The following HIP1 variants were observed in gnomAD, a reference collection of about 807,000 sequenced individuals.
HIP1 encodes huntingtin-interacting protein 1.
HIP1 carries 65 observed loss-of-function variants against 147.6 expected under a neutral mutation model. The observed-to-expected ratio is 0.44, with a 90% confidence interval of 0.36 to 0.54. The LOEUF (loss-of-function observed/expected upper bound fraction) is 0.54, where lower values mean the gene tolerates loss of function less well. HIP1 is among the 20% of genes least tolerant of loss of function. The pLI is 0.00. For missense variants in HIP1, 1,061 were observed against 1,299.6 expected (o/e 0.82, Z 2.82); for synonymous variants, 479 against 504.0 (o/e 0.95, Z 0.67).
intron 9 of HIP1, chr7:75,563,528 T>G: frequency 2.0e-6 from 1 of 500,326 alleles, no homozygotes. Flanking sequence ...ATTTCTTCAT[T>G]GCTGTAGAAC....
chr7:75,573,404 T>C (rs1795720425), intron 8 of HIP1, among the ~76,000 whole-genome samples: 1 of 152,060 alleles, frequency 6.6e-6, no homozygotes, highest in African/African-American at 2.4e-5. Context: ...TCAATAAAGC[T>C]CCTCTTCATC....
chr7:75,669,073 CA>C (rs200505763), intron 1 of HIP1, among the ~76,000 whole-genome samples: 1 of 146,120 alleles, frequency 6.8e-6, no homozygotes, highest in Non-Finnish European at 1.5e-5. Context: ...AACAAACAAA[CA>C]AAAAAAACAG....
intron 1 of HIP1, among the ~76,000 whole-genome samples, chr7:75,637,977 ACCCCCCCC>A (rs548189788): frequency 1.8e-4 from 7 of 38,636 alleles, no homozygotes; most frequent in African/African-American, 6.4e-4. Context: ...GCAGACCCAG[ACCCCCCCC>A]CCCCCCCCAC....
At chr7:75,553,187 C>T (rs1208398310) in intron 22 of HIP1, among the ~76,000 whole-genome samples, 2 of 152,038 alleles carry the variant, frequency 1.3e-5, no homozygotes, top group Admixed American at 6.6e-5. Flanking sequence ...ATCTGCCCAC[C>T]TCAGCCTCCC....
At chr7:75,663,635 G>A (rs1401466334) in intron 1 of HIP1, among the ~76,000 whole-genome samples, 1 of 151,856 alleles carries the variant, frequency 6.6e-6, no homozygotes, top group African/African-American at 2.4e-5. Context: ...TCAGTGAAGA[G>A]GGTACTGCCA....
At position 75,559,703 on chromosome 7, in the gene HIP1, G is replaced by GCCCCCCCCCCCC. The variant is rs1554494131; in HGVS notation, c.1375+28_1375+29insGGGGGGGGGGGG. ...TCTGCTGCCCGCGCCTGCCCCCGGGGCCCGCCCCCGCCCCCACCCACCGCT... is the reference window on the plus strand; with the variant it reads ...TCTGCTGCCCGCGCCTGCCCCCGGGGCCCCCCCCCCCCCCCGCCCCCGCCCCCACCCACCGCT... On this transcript the variant is annotated intron_variant, in intron 14 of 30. Transcript: ENST00000336926. 5.0e-6 allele frequency: 6 copies of GCCCCCCCCCCCC among 1,195,144 alleles called. No homozygotes were observed. In the East Asian group the frequency reaches 7.8e-5, roughly 16 times the overall value. The allele number at this position is 1,195,144 out of a possible 1,614,324, so 74.0% of individuals were successfully genotyped here. A position where few individuals can be genotyped will look rare whatever the true frequency, so the allele number is the denominator to read the frequency against.
chr7:75,542,680 CAG>C (rs764515474), intron 28 of HIP1, among the ~76,000 whole-genome samples, 169 bp downstream of exon 28: 26 of 152,062 alleles, frequency 1.7e-4, no homozygotes, highest in Non-Finnish European at 3.5e-4. Context: ...GCCTGGGCGA[CAG>C]AGTGAGACCC....
At chr7:75,599,625 C>T (rs1179402919) in intron 1 of HIP1, among the ~76,000 whole-genome samples, 2 of 152,108 alleles carry the variant, frequency 1.3e-5, no homozygotes, top group African/African-American at 2.4e-5. Context: ...GATCAGGGAG[C>T]GACCGTGGCC....
intron 1 of HIP1, among the ~76,000 whole-genome samples, chr7:75,715,458 CAG>C (rs1164089551): frequency 0.012 from 1,248 of 106,262 alleles, 17 homozygotes; most frequent in African/African-American, 0.033. Context: ...GAGACACACA[CAG>C]AGAGAGAGAG....
intron 30 of HIP1, 98 bp from the exon 31 acceptor site, chr7:75,538,322 A>G (rs1246074952): frequency 1.1e-6 from 1 of 887,648 alleles, no homozygotes; most frequent in African/African-American, 1.6e-5. Context: ...AAAATACATT[A>G]TAATTATAAC....
At chr7:75,590,509 A>T (rs1796466118) in intron 4 of HIP1, among the ~76,000 whole-genome samples, 1 of 152,184 alleles carries the variant, frequency 6.6e-6, no homozygotes, top group South Asian at 2.1e-4. Context: ...GACAAATAGA[A>T]AACATAGAAT....
intron 1 of HIP1, among the ~76,000 whole-genome samples, chr7:75,612,909 G>T (rs1184196215): frequency 6.6e-6 from 1 of 152,072 alleles, no homozygotes; most frequent in African/African-American, 2.4e-5. Flanking sequence ...TTCAAGACAA[G>T]CCTGGCCAAC....
chr7:75,700,295 G>A (rs1436064688), intron 1 of HIP1, among the ~76,000 whole-genome samples: 1 of 152,172 alleles, frequency 6.6e-6, no homozygotes, highest in Non-Finnish European at 1.5e-5. Flanking sequence ...GGGTCCAAGA[G>A]CAACTCGAAC....
chr7:75,625,956 T>A (rs1185923442), intron 1 of HIP1: 2 of 151,988 alleles, frequency 1.3e-5, no homozygotes, highest in African/African-American at 4.8e-5. Flanking sequence ...CTCTTCTGCA[T>A]GCGAAGGCAC....
At chr7:75,691,732 A>C (rs893648104) in intron 1 of HIP1, among the ~76,000 whole-genome samples, 13 of 152,034 alleles carry the variant, frequency 8.6e-5, no homozygotes, top group African/African-American at 3.1e-4. Context: ...AGGTTGCAGT[A>C]AGCTGAGATC....
At chr7:75,675,873 T>C (rs1799870590) in intron 1 of HIP1, among the ~76,000 whole-genome samples, 1 of 152,050 alleles carries the variant, frequency 6.6e-6, no homozygotes, top group Admixed American at 6.6e-5. Context: ...CCTAGCTACT[T>C]GGGAGACTAA....
chr7:75,631,220 C>T (rs190735632), intron 1 of HIP1, among the ~76,000 whole-genome samples: 3 of 152,140 alleles, frequency 2.0e-5, no homozygotes, highest in South Asian at 2.1e-4. Context: ...GTGATCCTCC[C>T]GCCTTAGCCT....
chr7:75,703,761 G>T (rs1219324651), intron 1 of HIP1, among the ~76,000 whole-genome samples: 2 of 152,126 alleles, frequency 1.3e-5, no homozygotes, highest in African/African-American at 2.4e-5. Context: ...ACATAAAGTA[G>T]ATCGATCATT....
At chr7:75,652,257 C>T (rs1584921427) in intron 1 of HIP1, among the ~76,000 whole-genome samples, 1 of 147,306 alleles carries the variant, frequency 6.8e-6, no homozygotes, top group East Asian at 2.0e-4. Context: ...GTGGAGGTTG[C>T]AGTGAGCTGA....
Sources: gnomAD v4.1 joint callset for allele counts (sites outside exome capture counted in the v4.1 genomes callset) on GRCh38, gnomAD v4.1.1 for gene constraint, MANE v1.5 for transcripts, NCBI Gene and HGNC (gene_info 2026-07-23, HGNC 2026-07-21) for gene names.